The following PDE1C variants were observed in gnomAD, a reference collection of about 807,000 sequenced individuals.
The protein encoded by PDE1C is phosphodiesterase 1C.
In PDE1C, 62 loss-of-function variants were observed where a neutral mutation model predicts 93.1. The ratio of observed to expected loss-of-function variants is 0.67; its 90% CI spans 0.54 to 0.82. The LOEUF (loss-of-function observed/expected upper bound fraction) is 0.82, where lower values mean the gene tolerates loss of function less well. Ranked by LOEUF, PDE1C falls within the 40% of genes least tolerant of loss-of-function variation. The pLI is 0.00. For synonymous variants in PDE1C, 325 were observed against 310.1 expected (o/e 1.05, Z -0.50); for missense variants, 742 against 884.6 (o/e 0.84, Z 2.04).
intron 1 of PDE1C, among the ~76,000 whole-genome samples, chr7:32,235,450 T>C (rs1181711507): frequency 6.6e-6 from 1 of 151,792 alleles, no homozygotes; most frequent in East Asian, 1.9e-4. Context: ...ATGAGCAAGT[T>C]TAGTAAGGTC....
chr7:31,646,644 G>A, the PDE1C span, among the ~76,000 whole-genome samples: 1 of 152,174 alleles, frequency 6.6e-6, no homozygotes, highest in East Asian at 1.9e-4. Context: ...GCTGTGTGGA[G>A]AGATTTGGCA....
chr7:32,193,918 T>TG (rs1387307716), intron 2 of PDE1C, among the ~76,000 whole-genome samples: 96 of 129,632 alleles, frequency 7.4e-4, no homozygotes, highest in African/African-American at 2.9e-3. Context: ...TTTGTTTTGT[T>TG]TTTTTTTTTT....
chr7:32,213,552 C>T lies in PDE1C; in HGVS notation c.86-4013G>A, dbSNP rs145266524. Among the ~76,000 whole-genome samples the T allele has an allele frequency of 3.7e-3, 563 of 152,308 alleles. 3 individuals are homozygous for T. The highest frequency in any genetic ancestry group is 0.024 in the Middle Eastern group (7 of 294). On this transcript the variant is annotated intron_variant, in intron 1 of 18. Transcript: ENST00000396193. ...TCCCCAGTGCACAACTGCCCAGATG[C>T]GTGTGACAGTCCAACAGCACGCTGC...
chr7:32,409,891 A>G (rs1785130448), intron 1 of PDE1C, among the ~76,000 whole-genome samples: 1 of 151,956 alleles, frequency 6.6e-6, no homozygotes, highest in Non-Finnish European at 1.5e-5. Context: ...ATATATTTAT[A>G]TATACACACA....
chr7:32,206,668 G>A (rs577256724), intron 2 of PDE1C, among the ~76,000 whole-genome samples: 41 of 152,240 alleles, frequency 2.7e-4, no homozygotes, highest in Middle Eastern at 3.4e-3. Context: ...CTTTCCATGC[G>A]GCACCCATGT....
chr7:32,261,032 C>T (rs2128880470), intron 1 of PDE1C, among the ~76,000 whole-genome samples: 1 of 152,242 alleles, frequency 6.6e-6, no homozygotes, highest in Admixed American at 6.5e-5. Context: ...ATTGCTTGAA[C>T]CTGGGAGGTG....
At chr7:31,925,825 C>T (rs1184774298) in intron 2 of PDE1C, among the ~76,000 whole-genome samples, 1 of 152,118 alleles carries the variant, frequency 6.6e-6, no homozygotes. Flanking sequence ...AATCTTAAAA[C>T]TATGAATTTT....
chr7:31,816,446 T>G (rs1034533598), intron 14 of PDE1C, among the ~76,000 whole-genome samples: 1 of 152,286 alleles, frequency 6.6e-6, no homozygotes, highest in South Asian at 2.1e-4. Context: ...TATTAATAGC[T>G]TCTATTGAAC....
intron 1 of PDE1C, among the ~76,000 whole-genome samples, chr7:32,254,847 A>G (rs188525389): frequency 1.3e-5 from 2 of 152,290 alleles, no homozygotes; most frequent in East Asian, 3.9e-4. Flanking sequence ...AATCAACTCT[A>G]TGCTTCCAAC....
At chr7:32,418,866 C>G (rs545955080) in intron 1 of PDE1C, among the ~76,000 whole-genome samples, 3 of 152,168 alleles carry the variant, frequency 2.0e-5, no homozygotes, top group African/African-American at 7.2e-5. Context: ...GAGGTCCACC[C>G]GACTCCTGGA....
intron 3 of PDE1C, among the ~76,000 whole-genome samples, chr7:32,147,133 C>G (rs910000984): frequency 6.6e-6 from 1 of 150,852 alleles, no homozygotes; most frequent in Non-Finnish European, 1.5e-5. Flanking sequence ...GTAAATCAAT[C>G]AGCATACGCT....
chr7:31,966,312 G>C (rs932366859), intron 2 of PDE1C, among the ~76,000 whole-genome samples: 1 of 152,162 alleles, frequency 6.6e-6, no homozygotes, highest in Non-Finnish European at 1.5e-5. Flanking sequence ...TGCAATCCTA[G>C]TCTCAGATAA....
chr7:32,339,122 G>A (rs887907106), intron 1 of PDE1C, among the ~76,000 whole-genome samples: 4 of 151,300 alleles, frequency 2.6e-5, no homozygotes, highest in African/African-American at 9.7e-5. Flanking sequence ...TAAAAAGAAG[G>A]AAATTCTGAC....
intron 2 of PDE1C, among the ~76,000 whole-genome samples, chr7:31,961,799 G>A (rs1809031440): frequency 6.6e-6 from 1 of 151,972 alleles, no homozygotes; most frequent in African/African-American, 2.4e-5. Context: ...CCCAAACTAA[G>A]GCAAAAACCA....
At chr7:32,019,808 T>G (rs1788407479) in intron 2 of PDE1C, among the ~76,000 whole-genome samples, 1 of 152,124 alleles carries the variant, frequency 6.6e-6, no homozygotes, top group Non-Finnish European at 1.5e-5. Context: ...GATGGTGCCC[T>G]TCACTGAAGT....
chr7:32,122,716 G>T (rs32297), intron 3 of PDE1C, among the ~76,000 whole-genome samples: 104,846 of 151,970 alleles, frequency 0.69, 36,871 homozygotes, highest in Middle Eastern at 0.81. Context: ...GCTAAAGCAG[G>T]GTTAAGAGGG....
chr7:31,694,927 A>C, the PDE1C span, among the ~76,000 whole-genome samples: 1 of 152,210 alleles, frequency 6.6e-6, no homozygotes, highest in East Asian at 1.9e-4. Flanking sequence ...GGAGGGTTAC[A>C]AAGCCAGGAA....
chr7:32,349,222 T>C (rs1290807830), intron 1 of PDE1C, among the ~76,000 whole-genome samples: 1 of 152,244 alleles, frequency 6.6e-6, no homozygotes, highest in Non-Finnish European at 1.5e-5. Context: ...TTCAGTTTAG[T>C]TCATCTCTAT....
chr7:31,681,148 G>T, the PDE1C span, among the ~76,000 whole-genome samples: 5 of 152,138 alleles, frequency 3.3e-5, no homozygotes, highest in African/African-American at 1.2e-4. Context: ...CAGACAGATT[G>T]GAATTTTTTG....
Sources: allele counts gnomAD v4.1 joint callset (sites outside exome capture counted in the v4.1 genomes callset), GRCh38; gene constraint gnomAD v4.1.1; transcripts MANE v1.5; gene names NCBI Gene and HGNC (gene_info 2026-07-23, HGNC 2026-07-21).